ZFAT: variants seen among roughly 807,000 people sequenced by gnomAD.
ZFAT encodes the protein zinc finger and AT-hook domain containing.
Under a neutral mutation model 117.7 loss-of-function variants are expected in ZFAT, and 64 were observed. The observed-to-expected ratio is 0.54, with a 90% CI of 0.44 to 0.67. The LOEUF (loss-of-function observed/expected upper bound fraction) is 0.67, where lower values mean the gene tolerates loss of function less well. Among genes scored for constraint, ZFAT ranks in the 30% least tolerant of loss-of-function variants. ZFAT has a pLI of 0.00. For synonymous variants in ZFAT, 679 were observed against 615.0 expected (o/e 1.10, Z -1.54); for missense variants, 1,433 against 1,584.5 (o/e 0.90, Z 1.62).
At position 134,602,738 on chromosome 8, in the gene ZFAT, G is replaced by A. The variant is rs376719916; in HGVS notation, c.981C>T (p.Ala327=). Residue 327 remains alanine (A), a synonymous_variant, in exon 6 of 16, where the codon GCC becomes GCT. Transcript: ENST00000377838. The part of the protein sequence containing the change: ...HLRKHTGEKF[A]CDYCSFTCLS... Reference sequence around the variant, plus strand: ...GGCAGGTGAACGAGCAATAGTCGCAGGCGAACTTCTCTCCAGTGTGCTTGC... The same window carrying A: ...GGCAGGTGAACGAGCAATAGTCGCAAGCGAACTTCTCTCCAGTGTGCTTGC... 7.4e-5 allele frequency: 120 copies of A among 1,613,748 alleles called. No individual in the cohort carries two copies. The African/African-American group carries it at 1.5e-3, about 20-fold the overall frequency.
intron 3 of ZFAT, among the ~76,000 whole-genome samples, chr8:134,612,754 A>C (rs1586817369): frequency 6.6e-6 from 1 of 152,336 alleles, no homozygotes; most frequent in South Asian, 2.1e-4. Context: ...ATCATGAATC[A>C]GACAGAACTG....
chr8:134,567,945 G>A (rs1471591982), intron 10 of ZFAT, among the ~76,000 whole-genome samples: 1 of 152,198 alleles, frequency 6.6e-6, no homozygotes, highest in African/African-American at 2.4e-5. Context: ...CCTACACACT[G>A]TCCACTTGCT....
At chr8:134,756,442 A>G in the ZFAT span, among the ~76,000 whole-genome samples, 1 of 152,260 alleles carries the variant, frequency 6.6e-6, no homozygotes, top group Non-Finnish European at 1.5e-5. Context: ...GAACTGGGAC[A>G]CAAACACAGG....
the ZFAT span, among the ~76,000 whole-genome samples, chr8:134,741,140 C>CAAACATA: frequency 6.6e-6 from 1 of 152,280 alleles, no homozygotes; most frequent in South Asian, 2.1e-4. Flanking sequence ...CATCAGAATT[C>CAAACATA]AAACATACCC....
At chr8:134,624,933 C>G (rs1262585862) in intron 3 of ZFAT, among the ~76,000 whole-genome samples, 1 of 151,106 alleles carries the variant, frequency 6.6e-6, no homozygotes, top group Non-Finnish European at 1.5e-5. Flanking sequence ...CTAATTAAAT[C>G]TCAGAATGCC....
chr8:134,680,102 A>G (rs565238361), intron 1 of ZFAT, among the ~76,000 whole-genome samples: 1 of 151,812 alleles, frequency 6.6e-6, no homozygotes. Context: ...TAAAAAAAAA[A>G]ACAGAAAAAA....
At chr8:134,677,219 A>G (rs1832848747) in intron 1 of ZFAT, among the ~76,000 whole-genome samples, 1 of 152,196 alleles carries the variant, frequency 6.6e-6, no homozygotes, top group African/African-American at 2.4e-5. Flanking sequence ...AGAAGAAAAG[A>G]GAGAAGAAAC....
upstream of ZFAT, chr8:134,713,131 G>C (rs1325893347): frequency 3.5e-5 from 13 of 369,444 alleles, no homozygotes; most frequent in Non-Finnish European, 4.8e-6. Flanking sequence ...CGGCAGGGCC[G>C]AGCTAACGCG....
chr8:134,810,936 G>C, the ZFAT span, among the ~76,000 whole-genome samples: 5 of 151,976 alleles, frequency 3.3e-5, no homozygotes, highest in Non-Finnish European at 5.9e-5. Flanking sequence ...AACTAACATG[G>C]GGGGGAAATC....
chr8:134,718,723 G>A, the ZFAT span, among the ~76,000 whole-genome samples: 5 of 151,948 alleles, frequency 3.3e-5, no homozygotes, highest in Non-Finnish European at 7.4e-5. Flanking sequence ...GTAGAGGGAG[G>A]GAAAGATGCA....
intron 10 of ZFAT, among the ~76,000 whole-genome samples, chr8:134,583,122 C>T (rs1441331824): frequency 6.6e-6 from 1 of 152,114 alleles, no homozygotes; most frequent in Admixed American, 6.5e-5. Flanking sequence ...CCACCCACCT[C>T]GACCCATGCC....
chr8:134,490,329 T>A (rs1164590518), intron 15 of ZFAT, among the ~76,000 whole-genome samples: 1 of 152,172 alleles, frequency 6.6e-6, no homozygotes, highest in Non-Finnish European at 1.5e-5. Context: ...CAAAGTCCCA[T>A]CCCAATCTCT....
chr8:134,478,753 A>G lies in ZFAT; in HGVS notation c.3493-32T>C, dbSNP rs771955343. On this transcript the variant is annotated intron_variant, in intron 15 of 15. Coordinates refer to ENST00000377838, the MANE Select transcript of ZFAT (RefSeq NM_020863.4). The surrounding 1 kb of genome is among the most constrained non-coding windows in gnomAD (Gnocchi z 5.2). ...GAGGAGGGCAAGAGAAAGGTCACCC[A>G]GCGCCTACTTCCCGGTCCAGCGTAA... is the stretch of plus-strand genomic sequence containing the variant. 7 of 1,535,168 alleles carry G rather than the reference A, an allele frequency of 4.6e-6. No individual in the cohort carries two copies. The highest frequency in any genetic ancestry group is 6.1e-6 in the Non-Finnish European group (7 of 1,138,472).
chr8:134,526,308 T>C (rs907848796), intron 12 of ZFAT, among the ~76,000 whole-genome samples: 32 of 152,298 alleles, frequency 2.1e-4, no homozygotes, highest in African/African-American at 7.7e-4. Flanking sequence ...GAACAACAAA[T>C]GAAAATATGT....
chr8:134,812,049 CAGG>C, the ZFAT span, among the ~76,000 whole-genome samples: 1 of 152,100 alleles, frequency 6.6e-6, no homozygotes, highest in African/African-American at 2.4e-5. Context: ...GAAGCTGACA[CAGG>C]AGAATAGCCT....
chr8:134,480,542 G>T (rs1817224717), intron 15 of ZFAT, among the ~76,000 whole-genome samples: 1 of 152,236 alleles, frequency 6.6e-6, no homozygotes, highest in South Asian at 2.1e-4. Flanking sequence ...AGGAAGCCGA[G>T]TCTCATGTTG....
At position 134,637,862 on chromosome 8, in the gene ZFAT, C is replaced by T. The variant is rs1382873169; in HGVS notation, c.197-150G>A. The T allele has an allele frequency of 6.4e-6, 7 of 1,101,264 alleles. No individual in the cohort carries two copies. The African/African-American group carries it at 7.9e-5, about 12-fold the overall frequency. The allele number at this position is 1,101,264 out of a possible 1,614,324, so 68.2% of individuals were successfully genotyped here. ...GATTCCAGACATTAACAGCTGCAAA[C>T]AATTATCGTTGGTGCTAATATCATT... On this transcript the variant is annotated intron_variant, in intron 2 of 15. Coordinates refer to ENST00000377838, the MANE Select transcript of ZFAT (RefSeq NM_020863.4).
At chr8:134,672,185 T>C (rs1384269938) in intron 1 of ZFAT, among the ~76,000 whole-genome samples, 1,625 of 129,062 alleles carry the variant, frequency 0.013, no homozygotes, top group South Asian at 0.029. Flanking sequence ...CTGCCCAAGG[T>C]AATTTATAGA....
chr8:134,611,031 A>G (rs1828296072), intron 3 of ZFAT, among the ~76,000 whole-genome samples: 1 of 152,380 alleles, frequency 6.6e-6, no homozygotes, highest in African/African-American at 2.4e-5. Flanking sequence ...TCACTTATTC[A>G]ACTTACACTT....
Sources: gnomAD v4.1 joint callset for allele counts (sites outside exome capture counted in the v4.1 genomes callset) on GRCh38, gnomAD v4.1.1 for gene constraint, Gnocchi (gnomAD v3.1) non-coding constraint, MANE v1.5 for transcripts, NCBI Gene and HGNC (gene_info 2026-07-23, HGNC 2026-07-21) for gene names.